The following IFT46 variants were observed in gnomAD, a reference collection of about 807,000 sequenced individuals.
The protein encoded by IFT46 is intraflagellar transport 46.
IFT46 carries 19 observed loss-of-function variants against 39.6 expected under a neutral mutation model. The observed-to-expected ratio is 0.48, with a 90% CI of 0.33 to 0.70. The LOEUF is 0.70. Ranked by LOEUF, IFT46 falls within the 30% of genes least tolerant of loss-of-function variation. The pLI is 0.01. For synonymous variants in IFT46, 117 were observed against 134.8 expected (o/e 0.87, Z 0.91); for missense variants, 334 against 364.8 (o/e 0.92, Z 0.69).
At chr11:118,554,327 A>C (rs1937753626) in intron 7 of IFT46, 132 bp downstream of exon 7, 1 of 813,852 alleles carries the variant, frequency 1.2e-6, no homozygotes, top group Non-Finnish European at 1.8e-6. Context: ...AAGTGCTGGG[A>C]TTACAGGCGT....
intron 2 of IFT46, chr11:118,560,486 A>G (rs990614556): frequency 1.2e-5 from 2 of 173,732 alleles, no homozygotes; most frequent in African/African-American, 4.8e-5. Flanking sequence ...GGGAAAAGAA[A>G]AGAAAGAGAA....
chr11:118,545,961 G>T, intron 9 of IFT46, 108 bp from the exon 10 acceptor site: 1 of 907,112 alleles, frequency 1.1e-6, no homozygotes, highest in Non-Finnish European at 1.8e-6. Flanking sequence ...ACAGGTTATG[G>T]GCTGAAATGT....
intron 2 of IFT46, among the ~76,000 whole-genome samples, chr11:118,562,930 T>A (rs982459005): frequency 6.6e-6 from 1 of 152,106 alleles, no homozygotes. Context: ...CTGGGTGTGG[T>A]GGTGTGCACC....
chr11:118,569,601 T>G (rs1467045517), upstream of IFT46, among the ~76,000 whole-genome samples: 1 of 152,134 alleles, frequency 6.6e-6, no homozygotes, highest in Admixed American at 6.6e-5. Context: ...TGCTTAAGGG[T>G]ATAGTCCAAA....
chr11:118,566,454 A>G (rs1357053637), upstream of IFT46, among the ~76,000 whole-genome samples: 2 of 152,224 alleles, frequency 1.3e-5, no homozygotes, highest in Non-Finnish European at 2.9e-5. Context: ...GCACTTTGGG[A>G]GGCCAAGGCG....
chr11:118,560,456 G>GGAGGA (rs1938011142), intron 2 of IFT46: 1 of 153,838 alleles, frequency 6.5e-6, no homozygotes. Flanking sequence ...GGAGGGGAGG[G>GGAGGA]GAGGGGAGGG....
intron 1 of IFT46, chr11:118,572,271 G>A: frequency 2.2e-6 from 1 of 461,064 alleles, no homozygotes; most frequent in South Asian, 4.3e-5. Flanking sequence ...CAGCTGGAGG[G>A]TGAACGCCCC....
At chr11:118,554,387 T>C (rs935374444) in intron 7 of IFT46, 72 bp downstream of exon 7, 12 of 1,445,696 alleles carry the variant, frequency 8.3e-6, no homozygotes, top group Middle Eastern at 4.4e-4. Context: ...AAGTCAACTG[T>C]ATGAGTGCCA....
At chr11:118,573,035 T>G (rs1415316895), upstream of IFT46, 1 of 164,054 alleles carries the variant, frequency 6.1e-6, no homozygotes, top group Non-Finnish European at 1.3e-5. Flanking sequence ...AATCCACTGG[T>G]GTCCAGAAAT....
chr11:118,568,569 T>C (rs966075807), upstream of IFT46, among the ~76,000 whole-genome samples: 4 of 151,886 alleles, frequency 2.6e-5, no homozygotes, highest in African/African-American at 9.7e-5. Context: ...AAATAAATAA[T>C]AAATAAATAA....
intron 9 of IFT46, 30 bp from the exon 10 acceptor site, chr11:118,545,883 A>G: frequency 1.2e-6 from 2 of 1,604,718 alleles, no homozygotes; most frequent in Non-Finnish European, 1.7e-6. Context: ...ACCAAAGTCA[A>G]AAGGATGGTG....
chr11:118,576,451 C>CAAAAAAAAAA (rs1938514738), upstream of IFT46, among the ~76,000 whole-genome samples: 1 of 80,030 alleles, frequency 1.2e-5, no homozygotes, highest in African/African-American at 4.7e-5. Flanking sequence ...AAAAAAAAAC[C>CAAAAAAAAAA]AAAAACTTTG....
At chr11:118,557,703 T>A (rs1237006512) in intron 3 of IFT46, 1 of 1,611,686 alleles carries the variant, frequency 6.2e-7, no homozygotes, top group Admixed American at 1.7e-5. Context: ...TCTCTCAAGA[T>A]AAACAGCTCT....
At chr11:118,546,348 G>A (rs929748135) in intron 9 of IFT46, 62 of 570,322 alleles carry the variant, frequency 1.1e-4, no homozygotes, top group Middle Eastern at 9.3e-4. Context: ...AAAATTAGCC[G>A]GGTGTGGTGT....
rs781935786 is a variant in IFT46 at position 118,555,130 on chromosome 11, CT to C, written c.261-48del. ...AGGTGGAGACAGTCAGAAAAAGTTA[CT>C]TTACTATTCAGGCTAAAAAAAAATC... On this transcript the variant is annotated intron_variant, in intron 5 of 11. Transcript: ENST00000264021. 5 of 1,552,202 alleles carry C rather than the reference CT, an allele frequency of 3.2e-6. No individual in the cohort carries two copies. The East Asian group carries it at 1.1e-4, about 35-fold the overall frequency.
chr11:118,549,942 G>A (rs1225155897), intron 9 of IFT46, among the ~76,000 whole-genome samples: 1 of 98,252 alleles, frequency 1.0e-5, no homozygotes. Flanking sequence ...TTTTTTTTTT[G>A]AGATGGAGTC....
At chr11:118,569,202 C>T (rs1938288475), upstream of IFT46, among the ~76,000 whole-genome samples, 1 of 151,784 alleles carries the variant, frequency 6.6e-6, no homozygotes, top group South Asian at 2.1e-4. Flanking sequence ...TCCCTCCAAC[C>T]CAGGAGGCAG....
rs139448793 is a variant in IFT46, at chr11:118,559,805, A to G, written c.25T>C (p.Cys9Arg). The G allele has an allele frequency of 1.6e-5, 26 of 1,613,360 alleles. No individual in the cohort carries two copies. The highest frequency in any genetic ancestry group is 1.7e-5 in the Non-Finnish European group (20 of 1,179,440). Residue 9 changes from cysteine (C) to arginine (R), a missense_variant, in exon 3 of 12, where the codon TGT becomes CGT. Transcript: ENST00000264021. ...TGTACCTTGTTATTTTCCTCTTCAC[A>G]CTCATCACTGCTGTTATCAGCCATA... MADNSSDE[C>R]EEENNKEKKK... is the part of the protein sequence containing the mutation.
At chr11:118,561,521 C>A in intron 2 of IFT46, 1 of 738,320 alleles carries the variant, frequency 1.4e-6, no homozygotes, top group South Asian at 1.5e-5. Flanking sequence ...GAAGAAACAT[C>A]AGGTAGCTTA....
Sources: allele counts gnomAD v4.1 joint callset (sites outside exome capture counted in the v4.1 genomes callset), GRCh38; gene constraint gnomAD v4.1.1; transcripts MANE v1.5; gene names NCBI Gene and HGNC (gene_info 2026-07-23, HGNC 2026-07-21).